Variants in PRUNE2 observed in about 807,000 individuals in gnomAD.
PRUNE2 encodes the protein protein prune homolog 2.
PRUNE2 carries 164 observed loss-of-function variants against 252.0 expected under a neutral mutation model. That is an observed-to-expected ratio of 0.65 (90% CI 0.57 to 0.74). The LOEUF (loss-of-function observed/expected upper bound fraction) is 0.74. PRUNE2 is among the 30% of genes least tolerant of loss of function. The probability of loss-of-function intolerance (pLI) is 0.00; values close to 1 mark genes in which losing one functional copy is unlikely to be tolerated. For missense variants in PRUNE2, 3,495 were observed against 3,711.0 expected, an observed-to-expected ratio of 0.94 and a Z score of 1.51; for synonymous variants, 1,292 against 1,350.2, an observed-to-expected ratio of 0.96 and a Z score of 0.94.
At chr9:76,878,405 G>C (rs1266181001) in intron 1 of PRUNE2, among the ~76,000 whole-genome samples, 2 of 152,178 alleles carry the variant, frequency 1.3e-5, no homozygotes, top group Non-Finnish European at 2.9e-5. Context: ...CTCATCTAGA[G>C]TCAGGTCGCT....
At chr9:76,620,161 A>G (rs979730461) in intron 17 of PRUNE2, among the ~76,000 whole-genome samples, 5 of 144,032 alleles carry the variant, frequency 3.5e-5, no homozygotes, top group African/African-American at 1.3e-4. Flanking sequence ...TTTTTTTGAG[A>G]CAGAGTCTTG....
At chr9:76,821,354 G>A (rs556049247) in intron 6 of PRUNE2, among the ~76,000 whole-genome samples, 2 of 152,156 alleles carry the variant, frequency 1.3e-5, no homozygotes, top group Non-Finnish European at 2.9e-5. Context: ...TTAAAGTGAG[G>A]TTAATGGGAA....
intron 14 of PRUNE2, among the ~76,000 whole-genome samples, chr9:76,637,030 T>C (rs554870005): frequency 6.7e-6 from 1 of 150,246 alleles, no homozygotes; most frequent in East Asian, 2.0e-4. Context: ...GGGAGTTCTA[T>C]GCAAGTTACT....
chr9:76,629,400 TCTTA>T (rs1200965880), intron 15 of PRUNE2, 110 bp from the exon 16 acceptor site: 1 of 569,142 alleles, frequency 1.8e-6, no homozygotes, highest in Non-Finnish European at 3.0e-6. Flanking sequence ...GCCACAGCAC[TCTTA>T]CTAAGAGGCT....
At chr9:76,817,668 C>T (rs899280877) in intron 6 of PRUNE2, 13 of 152,234 alleles carry the variant, frequency 8.5e-5, no homozygotes, top group Non-Finnish European at 1.3e-4. Flanking sequence ...TGACTGGGAA[C>T]ACCAAATAGG....
At chr9:76,840,405 A>C (rs542074188) in intron 4 of PRUNE2, among the ~76,000 whole-genome samples, 2 of 152,224 alleles carry the variant, frequency 1.3e-5, no homozygotes, top group Non-Finnish European at 2.9e-5. Flanking sequence ...CAGCATGCCC[A>C]AGCATGATGC....
chr9:76,838,303 A>G (rs1305800202), intron 4 of PRUNE2, among the ~76,000 whole-genome samples: 1 of 152,078 alleles, frequency 6.6e-6, no homozygotes, highest in African/African-American at 2.4e-5. Context: ...TAGAGATCTA[A>G]AAACAATGAG....
chr9:76,850,458 C>G lies in PRUNE2; in HGVS notation c.344+5G>C, dbSNP rs1244872155. 6.2e-7 allele frequency: 1 copy of G among 1,611,866 alleles called. No homozygotes were observed. The highest frequency in any genetic ancestry group is 8.5e-7 in the Non-Finnish European group (1 of 1,177,938). ...TAAACCTCAGAGCTTCACAGTGGAT[C>G]TTACCTCGCCAGCACACTGCTGCCA... On this transcript the variant is annotated splice_donor_5th_base_variant and intron_variant, in intron 3 of 18. Coordinates refer to ENST00000376718, the MANE Select transcript of PRUNE2 (RefSeq NM_015225.3).
chr9:76,672,648 G>A (rs2041747470), intron 9 of PRUNE2, among the ~76,000 whole-genome samples: 1 of 146,650 alleles, frequency 6.8e-6, no homozygotes, highest in African/African-American at 2.5e-5. Context: ...ACCACATACT[G>A]GGAAGTAAAG....
At chr9:76,726,942 T>C (rs2048153972) in intron 6 of PRUNE2, among the ~76,000 whole-genome samples, 1 of 152,242 alleles carries the variant, frequency 6.6e-6, no homozygotes, top group African/African-American at 2.4e-5. Context: ...TGTCATTATT[T>C]TATACAAGAG....
chr9:76,709,612 G>A lies in PRUNE2; in HGVS notation c.2662C>T (p.His888Tyr). The change falls in exon 8 of 19, where the codon CAC (histidine) becomes TAC (tyrosine). Residue 888 changes from histidine (H) to tyrosine (Y), a missense_variant. His to Tyr is a moderately conservative substitution (Grantham distance 83). Transcript: ENST00000376718. Reference sequence around the variant, plus strand: ...GGTGGCTTAGAATTAGTCCATGTGTGATCCAGATCAGAACTGGGATTTCCA... The same window carrying A: ...GGTGGCTTAGAATTAGTCCATGTGTAATCCAGATCAGAACTGGGATTTCCA... The part of the protein sequence containing the change: ...APGNPSSDLD[H>Y]TWTNSKPPKE... The A allele has an allele frequency of 6.2e-7, 1 of 1,613,964 alleles. No homozygotes were observed. The highest frequency in any genetic ancestry group is 8.5e-7 in the Non-Finnish European group (1 of 1,179,894).
At chr9:76,857,810 G>C (rs983273692) in intron 1 of PRUNE2, among the ~76,000 whole-genome samples, 1 of 152,142 alleles carries the variant, frequency 6.6e-6, no homozygotes, top group Non-Finnish European at 1.5e-5. Context: ...ACTGATTTCA[G>C]GTGTCTGGGG....
intron 4 of PRUNE2, among the ~76,000 whole-genome samples, chr9:76,837,055 A>AT (rs1158311464): frequency 2.0e-5 from 3 of 152,206 alleles, no homozygotes; most frequent in Non-Finnish European, 2.9e-5. Context: ...TTAAATATGT[A>AT]TTTTTTAGAT....
At chr9:76,743,608 A>C (rs924769455) in intron 6 of PRUNE2, among the ~76,000 whole-genome samples, 1 of 152,196 alleles carries the variant, frequency 6.6e-6, no homozygotes. Context: ...CATAGCAAAG[A>C]ATATCATGTT....
In PRUNE2 at chr9:76,636,640, G is replaced by A. The variant is rs1840183114; in HGVS notation, c.8964-83C>T. On this transcript the variant is annotated intron_variant, in intron 14 of 18. Coordinates refer to ENST00000376718, the MANE Select transcript of PRUNE2 (RefSeq NM_015225.3). Reference sequence around the variant, plus strand: ...AAACATAAAACATATTCCTAAATAAGAATATATATAATTTAAGTCTGGCAT... The same window carrying A: ...AAACATAAAACATATTCCTAAATAAAAATATATATAATTTAAGTCTGGCAT... The A allele has an allele frequency of 1.3e-5, 10 of 763,816 alleles. No homozygotes were observed. In the East Asian group the frequency reaches 2.7e-4, roughly 21 times the overall value. The allele number at this position is 763,816 out of a possible 1,614,324, so 47.3% of individuals were successfully genotyped here. A position where few individuals can be genotyped will look rare whatever the true frequency, so the allele number is the denominator to read the frequency against.
At chr9:76,665,786 C>A (rs1362458740) in intron 9 of PRUNE2, among the ~76,000 whole-genome samples, 4 of 152,144 alleles carry the variant, frequency 2.6e-5, no homozygotes, top group African/African-American at 9.7e-5. Flanking sequence ...GTAATCCCTG[C>A]ACTTTGGGAG....
At chr9:76,827,350 T>TCCATCTC in intron 4 of PRUNE2, among the ~76,000 whole-genome samples, 2 of 152,200 alleles carry the variant, frequency 1.3e-5, no homozygotes, top group Non-Finnish European at 2.9e-5. Flanking sequence ...AATCACAGGT[T>TCCATCTC]TAAATTACAA....
At chr9:76,691,858 C>A (rs2553213) in intron 9 of PRUNE2, 308,573 of 560,182 alleles carry the variant, frequency 0.55, 87,668 homozygotes, top group Middle Eastern at 0.68. Context: ...AGCATAACGA[C>A]CACAAGCTTT....
At chr9:76,719,680 C>T (rs1427002070) in intron 6 of PRUNE2, among the ~76,000 whole-genome samples, 4 of 151,586 alleles carry the variant, frequency 2.6e-5, no homozygotes, top group African/African-American at 4.8e-5. Context: ...TGGGGTCTTA[C>T]TCTGTCACCC....
Sources: allele counts gnomAD v4.1 joint callset (sites outside exome capture counted in the v4.1 genomes callset), GRCh38; gene constraint gnomAD v4.1.1; transcripts MANE v1.5; gene names NCBI Gene and HGNC (gene_info 2026-07-23, HGNC 2026-07-21).